Variants in SLC48A1 observed in about 807,000 individuals in gnomAD.
The protein encoded by SLC48A1 is heme transporter HRG1.
A neutral mutation model predicts 14.8 loss-of-function variants in SLC48A1; 6 were observed. The observed-to-expected ratio is 0.41, with a 90% confidence interval of 0.22 to 0.80. SLC48A1 has a LOEUF of 0.80. Among genes scored for constraint, SLC48A1 ranks in the 30% least tolerant of loss-of-function variants. SLC48A1 has a pLI of 0.34. For synonymous variants in SLC48A1, 89 were observed against 90.0 expected, an observed-to-expected ratio of 0.99 and a Z score of 0.06; for missense variants, 165 against 204.8, an observed-to-expected ratio of 0.81 and a Z score of 1.19.
chr12:47,769,688 A>T (rs565539506), upstream of SLC48A1: 1 of 152,280 alleles, frequency 6.6e-6, no homozygotes, highest in East Asian at 1.9e-4. Context: ...GAGCACTTTG[A>T]GTGTATTATC....
At chr12:47,779,566 G>C (rs1942822317) in intron 2 of SLC48A1, among the ~76,000 whole-genome samples, 2 of 152,152 alleles carry the variant, frequency 1.3e-5, no homozygotes, top group South Asian at 4.1e-4. Context: ...GTGGCCTAGG[G>C]TATTTGTCAC....
intron 1 of SLC48A1, among the ~76,000 whole-genome samples, chr12:47,776,834 C>T (rs112698051): frequency 4.4e-4 from 67 of 152,278 alleles, no homozygotes; most frequent in Admixed American, 7.2e-4. Flanking sequence ...TTCACAGGCC[C>T]CTATTTCAGC....
upstream of SLC48A1, among the ~76,000 whole-genome samples, chr12:47,767,114 A>G (rs926564450): frequency 4.2e-5 from 6 of 144,360 alleles, no homozygotes; most frequent in African/African-American, 1.5e-4. Context: ...GGGAGAGGGA[A>G]GGAATCTACC....
At chr12:47,757,417 G>C (rs1407437156), upstream of SLC48A1, among the ~76,000 whole-genome samples, 1 of 152,062 alleles carries the variant, frequency 6.6e-6, no homozygotes, top group East Asian at 1.9e-4. Context: ...CTCACCCTAA[G>C]ACCAAAACGC....
Position 47,765,316 on chromosome 12 carries a change from G to C in SLC48A1, c.-187+4915G>C, listed in dbSNP as rs113529505. On this transcript the variant is annotated intron_variant, in intron 2 of 4. Transcript: ENST00000547002. ...AGGGAAAGTCTGCAGTTCTGCCTGA[G>C]AGAGGGCACAGGCCCCCCTCAGGCC... 7.9e-3 allele frequency among the ~76,000 whole-genome samples: 1,201 copies of C among 152,280 alleles called. 13 individuals are homozygous for C. Among genetic ancestry groups the C allele is most frequent in the African/African-American group, 0.027 (1,106 of 41,562 alleles).
intron 2 of SLC48A1, among the ~76,000 whole-genome samples, chr12:47,765,892 C>G (rs1942505803): frequency 6.6e-6 from 1 of 152,114 alleles, no homozygotes; most frequent in South Asian, 2.1e-4. Flanking sequence ...GTTTCTCCCC[C>G]TCCTGCCATG....
chr12:47,775,046 G>GC (rs1393385458), intron 1 of SLC48A1, among the ~76,000 whole-genome samples: 1 of 152,156 alleles, frequency 6.6e-6, no homozygotes, highest in African/African-American at 2.4e-5. Flanking sequence ...GTTGAGTCTG[G>GC]CCTGGTACAA....
upstream of SLC48A1, among the ~76,000 whole-genome samples, chr12:47,756,936 T>G (rs1942098225): frequency 6.7e-6 from 1 of 148,670 alleles, no homozygotes; most frequent in South Asian, 2.1e-4. Context: ...TTCACTGCAC[T>G]CCAGCCTGGT....
At position 47,776,513 on chromosome 12, in the gene SLC48A1, G is replaced by A. The variant is rs895373166; in HGVS notation, c.137-2515G>A. Among the ~76,000 whole-genome samples, 14 of 152,326 alleles carry A rather than the reference G, an allele frequency of 9.2e-5. No individual in the cohort carries two copies. The East Asian group carries it at 1.7e-3, about 19-fold the overall frequency. ...CCATCTCCTTCAGTGACCCCCTTGG[G>A]TAGGGCTGGTGGAGAGCTCCCTTCC... On this transcript the variant is annotated intron_variant, in intron 1 of 2. Transcript: ENST00000442218.
upstream of SLC48A1, among the ~76,000 whole-genome samples, chr12:47,755,283 T>C (rs1941987376): frequency 6.6e-6 from 1 of 152,224 alleles, no homozygotes; most frequent in South Asian, 2.1e-4. Context: ...ATGATGACAT[T>C]AGTACCTATC....
At chr12:47,759,789 G>C (rs1942317393) in intron 1 of SLC48A1, among the ~76,000 whole-genome samples, 1 of 152,230 alleles carries the variant, frequency 6.6e-6, no homozygotes, top group South Asian at 2.1e-4. Flanking sequence ...TTTGGAAGGA[G>C]GTGAACGCCC....
At chr12:47,776,392 AC>A (rs1432061445) in intron 1 of SLC48A1, among the ~76,000 whole-genome samples, 1 of 152,114 alleles carries the variant, frequency 6.6e-6, no homozygotes. Context: ...AGTTTTATAA[AC>A]CAGGCTTCCT....
In SLC48A1 at chr12:47,765,993, C is replaced by T. The variant is rs116143927; in HGVS notation, c.-187+5592C>T. 3.2e-3 allele frequency among the ~76,000 whole-genome samples: 481 copies of T among 152,326 alleles called. 3 individuals carry two copies. The highest frequency in any genetic ancestry group is 9.7e-3 in the African/African-American group (403 of 41,560). On this transcript the variant is annotated intron_variant, in intron 2 of 4. Coordinates refer to the SLC48A1 transcript ENST00000547002. ...GTTCTTGACCAATTGCCATTCCTCC[C>T]GCTGTCTTACTCCATCTCTTGTCCA... is the stretch of plus-strand genomic sequence containing the variant.
At chr12:47,765,432 T>TC (rs901523766) in intron 2 of SLC48A1, among the ~76,000 whole-genome samples, 30 of 152,218 alleles carry the variant, frequency 2.0e-4, no homozygotes, top group African/African-American at 7.2e-4. Flanking sequence ...CTGCTTTGCC[T>TC]CTGGTGGAAG....
At chr12:47,755,920 GTAC>G (rs1277464869), upstream of SLC48A1, 1 of 152,238 alleles carries the variant, frequency 6.6e-6, no homozygotes, top group Non-Finnish European at 1.5e-5. Context: ...GAGGTAAGAA[GTAC>G]AGCTTCACAG....
intron 2 of SLC48A1, among the ~76,000 whole-genome samples, chr12:47,762,851 T>C (rs1023746237): frequency 6.6e-6 from 1 of 152,204 alleles, no homozygotes; most frequent in African/African-American, 2.4e-5. Flanking sequence ...CACAAGAATA[T>C]TCAAGGAATC....
rs112633136 is a variant in SLC48A1, at chr12:47,782,624, G to A, written c.*2343G>A. The A allele has an allele frequency of 5.9e-4, 90 of 152,400 alleles. No individual in the cohort carries two copies. Among genetic ancestry groups the A allele is most frequent in the South Asian group, 1.0e-3 (5 of 4,834 alleles). The allele number at this position is 152,400 out of a possible 1,614,324, so 9.4% of individuals were successfully genotyped here. ...CCCAGACCACCCTGGTCCCTCCTCCGGCAGTGACTCAGACCCACACTGTGC... is the reference window on the plus strand; with the variant it reads ...CCCAGACCACCCTGGTCCCTCCTCCAGCAGTGACTCAGACCCACACTGTGC... On this transcript the variant is annotated 3_prime_UTR_variant, in exon 3 of 3. Transcript: ENST00000442218.
intron 2 of SLC48A1, among the ~76,000 whole-genome samples, chr12:47,765,349 G>C (rs763060037): frequency 6.6e-6 from 1 of 152,330 alleles, no homozygotes; most frequent in African/African-American, 2.4e-5. Context: ...GCCTTGCGGG[G>C]GATAGAGAGG....
intron 2 of SLC48A1, among the ~76,000 whole-genome samples, chr12:47,764,348 T>A (rs567427661): frequency 2.0e-5 from 3 of 152,168 alleles, no homozygotes; most frequent in Non-Finnish European, 4.4e-5. Context: ...CACTCCCCTC[T>A]TTGCAACTTT....
Sources: gnomAD v4.1 joint callset for allele counts (sites outside exome capture counted in the v4.1 genomes callset) on GRCh38, gnomAD v4.1.1 for gene constraint, MANE v1.5 for transcripts, NCBI Gene and HGNC (gene_info 2026-07-23, HGNC 2026-07-21) for gene names.